Variants in TMEM163 observed in about 807,000 individuals in gnomAD.
TMEM163 encodes the protein transmembrane protein 163.
TMEM163 carries 17 observed loss-of-function variants against 29.3 expected under a neutral mutation model. The observed-to-expected ratio is 0.58, with a 90% CI of 0.40 to 0.87. The LOEUF is 0.87. TMEM163 is among the 40% of genes least tolerant of loss of function. The pLI, the probability that TMEM163 is intolerant of heterozygous loss-of-function variation, is 0.00. For synonymous variants in TMEM163, 157 were observed against 160.6 expected (o/e 0.98, Z 0.17); for missense variants, 303 against 381.5 (o/e 0.79, Z 1.71).
intron 4 of TMEM163, among the ~76,000 whole-genome samples, chr2:134,514,944 C>A (rs1680026453): frequency 6.6e-6 from 1 of 152,152 alleles, no homozygotes; most frequent in African/African-American, 2.4e-5. Flanking sequence ...AAAAGGCCAC[C>A]ACCAAACCTT....
At chr2:134,689,870 C>T (rs1328193782) in intron 2 of TMEM163, among the ~76,000 whole-genome samples, 2 of 152,172 alleles carry the variant, frequency 1.3e-5, no homozygotes, top group Admixed American at 6.5e-5. Flanking sequence ...CTCCAAAGAA[C>T]GGCATGCAGA....
chr2:134,499,718 C>T (rs491200), intron 5 of TMEM163, among the ~76,000 whole-genome samples: 30,315 of 152,152 alleles, frequency 0.2, 3,351 homozygotes, highest in South Asian at 0.38. Flanking sequence ...GAAGGGAAGA[C>T]GCTGTTTCTG....
intron 2 of TMEM163, among the ~76,000 whole-genome samples, chr2:134,647,442 C>T (rs1478454960): frequency 2.0e-5 from 3 of 152,198 alleles, no homozygotes; most frequent in Non-Finnish European, 4.4e-5. Flanking sequence ...AAATCACTGA[C>T]AGAGGATCTT....
chr2:134,529,302 G>A (rs1449425872), intron 4 of TMEM163, among the ~76,000 whole-genome samples: 1 of 152,032 alleles, frequency 6.6e-6, no homozygotes, highest in African/African-American at 2.4e-5. Flanking sequence ...CTATACTCCA[G>A]CCTGGGTGAC....
chr2:134,667,661 A>ATAATT, intron 2 of TMEM163, among the ~76,000 whole-genome samples: 1 of 152,238 alleles, frequency 6.6e-6, no homozygotes, highest in African/African-American at 2.4e-5. Flanking sequence ...CATATATGTA[A>ATAATT]CCGCTTCTAA....
At chr2:134,456,811 G>A (rs763953301) in intron 7 of TMEM163, 35 bp from the exon 8 acceptor site, 2 of 1,609,268 alleles carry the variant, frequency 1.2e-6, no homozygotes, top group South Asian at 2.2e-5. Flanking sequence ...TCACCTCCAT[G>A]GCATGGGGCT....
chr2:134,690,041 G>A (rs1173464110), intron 2 of TMEM163, among the ~76,000 whole-genome samples: 1 of 151,756 alleles, frequency 6.6e-6, no homozygotes, highest in Admixed American at 6.6e-5. Context: ...AGCAACTCTC[G>A]TGCCTCAGCC....
chr2:134,602,825 C>T (rs974799801), intron 2 of TMEM163, among the ~76,000 whole-genome samples: 1 of 152,018 alleles, frequency 6.6e-6, no homozygotes. Context: ...GTCCCACCGC[C>T]GAGGACTCTT....
At chr2:134,715,454 A>T (rs1478125522) in intron 1 of TMEM163, among the ~76,000 whole-genome samples, 3 of 152,218 alleles carry the variant, frequency 2.0e-5, no homozygotes, top group African/African-American at 7.2e-5. Flanking sequence ...TGATATTTTT[A>T]AAATTAAAAA....
intron 5 of TMEM163, among the ~76,000 whole-genome samples, chr2:134,486,702 C>T (rs1028152523): frequency 6.6e-6 from 1 of 152,152 alleles, no homozygotes; most frequent in Admixed American, 6.5e-5. Context: ...AAAATCAGTA[C>T]ACCAGGGCAC....
chr2:134,489,980 A>T (rs1278393188), intron 5 of TMEM163, among the ~76,000 whole-genome samples: 1 of 152,238 alleles, frequency 6.6e-6, no homozygotes. Flanking sequence ...GCTAATGGCC[A>T]CGTGCACACA....
chr2:134,469,686 C>G (rs1451718260), intron 5 of TMEM163: 1 of 152,328 alleles, frequency 6.6e-6, no homozygotes, highest in Non-Finnish European at 1.5e-5. Context: ...CGCACCGAGC[C>G]CATGGATTCT....
At chr2:134,585,604 C>G in intron 2 of TMEM163, among the ~76,000 whole-genome samples, 1 of 152,038 alleles carries the variant, frequency 6.6e-6, no homozygotes, top group East Asian at 1.9e-4. Flanking sequence ...TAGCCGGGCG[C>G]GGTGGCGGGC....
chr2:134,554,206 C>T (rs1229064935), intron 2 of TMEM163, among the ~76,000 whole-genome samples: 5 of 151,830 alleles, frequency 3.3e-5, no homozygotes, highest in South Asian at 2.1e-4. Context: ...GGGGGGATCA[C>T]GAGGTCAAGA....
intron 5 of TMEM163, among the ~76,000 whole-genome samples, chr2:134,502,318 A>G (rs1194277478): frequency 6.6e-6 from 1 of 152,174 alleles, no homozygotes; most frequent in African/African-American, 2.4e-5. Flanking sequence ...AGGAGGCTGT[A>G]AAAATATTTC....
At chr2:134,667,528 C>G (rs527628737) in intron 2 of TMEM163, among the ~76,000 whole-genome samples, 1 of 152,358 alleles carries the variant, frequency 6.6e-6, no homozygotes, top group South Asian at 2.1e-4. Flanking sequence ...AAGGAAACAG[C>G]ATTTCTGATG....
chr2:134,647,798 GT>G (rs1300859484), intron 2 of TMEM163, among the ~76,000 whole-genome samples: 1 of 152,230 alleles, frequency 6.6e-6, no homozygotes, highest in Non-Finnish European at 1.5e-5. Flanking sequence ...GTCCCACTGT[GT>G]TCCACCCCTC....
intron 4 of TMEM163, among the ~76,000 whole-genome samples, chr2:134,508,582 T>A (rs1679878109): frequency 6.6e-6 from 1 of 152,208 alleles, no homozygotes; most frequent in South Asian, 2.1e-4. Flanking sequence ...GGAATGGCTG[T>A]GAGCCATTCT....
At chr2:134,600,693 T>A (rs541693300) in intron 2 of TMEM163, among the ~76,000 whole-genome samples, 1 of 152,256 alleles carries the variant, frequency 6.6e-6, no homozygotes, top group South Asian at 2.1e-4. Flanking sequence ...ACAAATGAGA[T>A]CCTTAGACTC....
Sources: gnomAD v4.1 joint callset for allele counts (sites outside exome capture counted in the v4.1 genomes callset) on GRCh38, gnomAD v4.1.1 for gene constraint, MANE v1.5 for transcripts, NCBI Gene and HGNC (gene_info 2026-07-23, HGNC 2026-07-21) for gene names.